ZSCAN5A: variants seen among roughly 807,000 people sequenced by gnomAD.
ZSCAN5A encodes the protein zinc finger and SCAN domain containing 5A, also known as zinc finger and SCAN domain-containing protein 5A.
A neutral mutation model predicts 23.7 loss-of-function variants in ZSCAN5A; 12 were observed. The observed-to-expected ratio is 0.51, with a 90% CI of 0.32 to 0.82. The LOEUF is 0.82. Ranked by LOEUF, ZSCAN5A falls within the 40% of genes least tolerant of loss-of-function variation. The pLI is 0.03. For synonymous variants in ZSCAN5A, 257 were observed against 239.9 expected (o/e 1.07, Z -0.66); for missense variants, 597 against 617.9 (o/e 0.97, Z 0.36).
intron 2 of ZSCAN5A, among the ~76,000 whole-genome samples, chr19:56,270,367 T>G (rs1407021065): frequency 6.6e-6 from 1 of 152,064 alleles, no homozygotes. Flanking sequence ...TGCAGTGAGT[T>G]GAAATCGTGC....
At chr19:56,265,229 A>G (rs1048719170) in intron 2 of ZSCAN5A, among the ~76,000 whole-genome samples, 1 of 151,800 alleles carries the variant, frequency 6.6e-6, no homozygotes, top group African/African-American at 2.4e-5. Context: ...ATTACAAAAA[A>G]ACCATTCTCA....
chr19:56,245,460 TG>T, intron 2 of ZSCAN5A: 2 of 595,636 alleles, frequency 3.4e-6, no homozygotes. Flanking sequence ...TGGGCAGAGG[TG>T]GGAGAAGGAA....
At chr19:56,361,633 C>T (rs1304001821) in intron 2 of ZSCAN5A, among the ~76,000 whole-genome samples, 1 of 152,144 alleles carries the variant, frequency 6.6e-6, no homozygotes. Context: ...CATGTTCTCA[C>T]TTATAAGTGG....
intron 2 of ZSCAN5A, chr19:56,310,193 C>T (rs1190396798): frequency 6.6e-6 from 1 of 152,338 alleles, no homozygotes; most frequent in African/African-American, 2.4e-5. Flanking sequence ...GCCTCCATCT[C>T]CCAGGCATTC....
At chr19:56,281,590 A>G (rs1199736998) in intron 2 of ZSCAN5A, 1 of 518,118 alleles carries the variant, frequency 1.9e-6, no homozygotes, top group African/African-American at 2.1e-5. Flanking sequence ...AAAGAAATGC[A>G]TGTAAAAATT....
At chr19:56,301,825 G>A (rs1301181676) in intron 2 of ZSCAN5A, 1 of 918,096 alleles carries the variant, frequency 1.1e-6, no homozygotes, top group Non-Finnish European at 1.4e-6. Context: ...TGGCAGTGAT[G>A]GTGGGTGTGG....
chr19:56,292,471 T>C (rs905453061), intron 2 of ZSCAN5A, among the ~76,000 whole-genome samples: 2 of 151,488 alleles, frequency 1.3e-5, no homozygotes, highest in South Asian at 4.2e-4. Flanking sequence ...TTTTTTTTTT[T>C]ACTTTTTTGT....
At chr19:56,335,411 G>A (rs946454527) in intron 2 of ZSCAN5A, among the ~76,000 whole-genome samples, 1 of 152,120 alleles carries the variant, frequency 6.6e-6, no homozygotes, top group Non-Finnish European at 1.5e-5. Flanking sequence ...AACCTAGCTA[G>A]CCAGGCCAAC....
intron 2 of ZSCAN5A, among the ~76,000 whole-genome samples, chr19:56,242,535 C>T (rs2146631136): frequency 6.6e-6 from 1 of 152,230 alleles, no homozygotes; most frequent in Admixed American, 6.5e-5. Flanking sequence ...GCTCAGATTC[C>T]TTCCAGGAAG....
At chr19:56,282,609 T>G in intron 2 of ZSCAN5A, 1 of 612,318 alleles carries the variant, frequency 1.6e-6, no homozygotes, top group South Asian at 7.2e-5. Context: ...TGTTCACAGC[T>G]TAGCTTCTAA....
At chr19:56,238,887 A>G (rs1211344257) in intron 2 of ZSCAN5A, among the ~76,000 whole-genome samples, 1 of 151,988 alleles carries the variant, frequency 6.6e-6, no homozygotes, top group Non-Finnish European at 1.5e-5. Flanking sequence ...AGAGGACTGG[A>G]GGGAATTGGG....
rs117091287 is a variant in ZSCAN5A, at chr19:56,366,806, T to C, written c.-522+1403A>G. On this transcript the variant is annotated intron_variant, in intron 1 of 6. Transcript: ENST00000587340. ...ATTTTAATGTGCCTAAGTTTATATA[T>C]TATTTTTGCAGACCATAGAACACTT... Among the ~76,000 whole-genome samples the C allele has an allele frequency of 1.3e-3, 204 of 152,310 alleles. 3 individuals carry two copies. The East Asian group carries it at 0.031, about 23-fold the overall frequency.
intron 2 of ZSCAN5A, among the ~76,000 whole-genome samples, chr19:56,326,441 G>A (rs547268563): frequency 1.7e-4 from 26 of 151,862 alleles, no homozygotes; most frequent in African/African-American, 6.3e-4. Context: ...TCATCTTATA[G>A]CTGAAAGTTT....
At chr19:56,335,361 G>C (rs147909933) in intron 2 of ZSCAN5A, among the ~76,000 whole-genome samples, 1 of 152,220 alleles carries the variant, frequency 6.6e-6, no homozygotes, top group East Asian at 1.9e-4. Flanking sequence ...GAACCAATTT[G>C]GAAAACATAT....
chr19:56,234,688 C>T (rs538030636), intron 2 of ZSCAN5A, among the ~76,000 whole-genome samples: 1 of 149,862 alleles, frequency 6.7e-6, no homozygotes, highest in Non-Finnish European at 1.5e-5. Context: ...TTCTGTTTCT[C>T]TCTGACCACC....
intron 2 of ZSCAN5A, among the ~76,000 whole-genome samples, chr19:56,277,686 C>T (rs554447023): frequency 1.3e-5 from 2 of 152,072 alleles, no homozygotes; most frequent in South Asian, 4.1e-4. Context: ...TGAATTATAT[C>T]TCAGTAAAGC....
At chr19:56,265,690 C>T (rs1002891120) in intron 2 of ZSCAN5A, among the ~76,000 whole-genome samples, 3 of 151,380 alleles carry the variant, frequency 2.0e-5, no homozygotes, top group Non-Finnish European at 4.4e-5. Flanking sequence ...AAGAGTGAAG[C>T]CTGGGAAACC....
chr19:56,224,452 T>G (rs981478245), intron 3 of ZSCAN5A: 6 of 739,158 alleles, frequency 8.1e-6, no homozygotes, highest in African/African-American at 1.8e-5. Flanking sequence ...TGGGTTGTCC[T>G]GAGCGTTAGA....
chr19:56,346,189 A>G (rs1457425695), intron 2 of ZSCAN5A, among the ~76,000 whole-genome samples: 2 of 152,130 alleles, frequency 1.3e-5, no homozygotes, highest in Non-Finnish European at 2.9e-5. Context: ...CCCAATGGGG[A>G]AAAAAAGCAA....
Sources: gnomAD v4.1 joint callset for allele counts (sites outside exome capture counted in the v4.1 genomes callset) on GRCh38, gnomAD v4.1.1 for gene constraint, MANE v1.5 for transcripts, NCBI Gene and HGNC (gene_info 2026-07-23, HGNC 2026-07-21) for gene names.